ARFGEF1: variants seen among roughly 807,000 people sequenced by gnomAD.
ARFGEF1 encodes brefeldin A-inhibited guanine nucleotide-exchange protein 1.
ARFGEF1 carries 42 observed loss-of-function variants against 231.0 expected under a neutral mutation model. That is an observed-to-expected ratio of 0.18 (90% CI 0.14 to 0.24). The LOEUF (loss-of-function observed/expected upper bound fraction) is 0.24, where lower values mean the gene tolerates loss of function less well. Among genes scored for constraint, ARFGEF1 ranks in the 10% least tolerant of loss-of-function variants. ARFGEF1 has a pLI of 1.00. For synonymous variants in ARFGEF1, 710 were observed against 732.3 expected, an observed-to-expected ratio of 0.97 and a Z score of 0.49; for missense variants, 1,345 against 2,192.0, an observed-to-expected ratio of 0.61 and a Z score of 7.72.
chr8:67,184,138 C>G (rs1391878974), intron 5 of ARFGEF1, among the ~76,000 whole-genome samples: 2 of 152,120 alleles, frequency 1.3e-5, no homozygotes, highest in Admixed American at 6.5e-5. Flanking sequence ...TAGGCGTGAG[C>G]CACTGCGCCC....
downstream of ARFGEF1, chr8:67,193,337 T>A (rs931554437): frequency 1.5e-5 from 10 of 656,636 alleles, no homozygotes; most frequent in Admixed American, 2.5e-4. Context: ...CTTCAGGTGA[T>A]CTGCCCACCT....
intron 14 of ARFGEF1, 87 bp downstream of exon 14, chr8:67,265,919 T>C: frequency 8.4e-7 from 1 of 1,195,236 alleles, no homozygotes; most frequent in Non-Finnish European, 1.2e-6. Flanking sequence ...ATTTTACTCA[T>C]TATAAGGTGA....
intron 1 of ARFGEF1, among the ~76,000 whole-genome samples, chr8:67,316,539 C>A (rs1197935814): frequency 2.0e-5 from 3 of 151,986 alleles, no homozygotes; most frequent in Admixed American, 6.6e-5. Flanking sequence ...CAGCTCACTG[C>A]AGCCTAAACC....
chr8:67,289,549 CAAAA>C (rs552601455), intron 6 of ARFGEF1, among the ~76,000 whole-genome samples: 20 of 44,844 alleles, frequency 4.5e-4, no homozygotes, highest in Admixed American at 4.0e-3. Flanking sequence ...ACTCTGTATC[CAAAA>C]AAAAAAAAAA....
chr8:67,195,751 AAAT>A (rs1333450422), downstream of ARFGEF1: 1 of 610,726 alleles, frequency 1.6e-6, no homozygotes, highest in African/African-American at 1.9e-5. Context: ...TTATGTACAT[AAAT>A]AAAAGGCCAT....
intron 1 of ARFGEF1, among the ~76,000 whole-genome samples, chr8:67,323,115 G>A (rs1807670596): frequency 6.6e-6 from 1 of 152,076 alleles, no homozygotes; most frequent in African/African-American, 2.4e-5. Context: ...AGCCAGGCAT[G>A]GTGGCAGAAG....
chr8:67,275,836 G>A (rs1188903639), intron 9 of ARFGEF1, 140 bp downstream of exon 9: 6 of 966,004 alleles, frequency 6.2e-6, no homozygotes, highest in South Asian at 1.7e-5. Flanking sequence ...TTTCTTAAAC[G>A]TAAAATACCT....
At chr8:67,222,192 TATATATATATATACACACAC>T (rs1563846368) in intron 29 of ARFGEF1, among the ~76,000 whole-genome samples, 3 of 139,238 alleles carry the variant, frequency 2.2e-5, no homozygotes, top group East Asian at 2.0e-4. Context: ...CATATATATA[TATATATATATATACACACAC>T]ATATATATAT....
At chr8:67,209,714 C>T (rs1179801973) in intron 34 of ARFGEF1, among the ~76,000 whole-genome samples, 1 of 152,114 alleles carries the variant, frequency 6.6e-6, no homozygotes, top group Non-Finnish European at 1.5e-5. Flanking sequence ...AAGGGTTCCT[C>T]TTTTTTGTGA....
At chr8:67,186,045 G>A (rs1834495529) in intron 5 of ARFGEF1, among the ~76,000 whole-genome samples, 1 of 152,212 alleles carries the variant, frequency 6.6e-6, no homozygotes, top group South Asian at 2.1e-4. Context: ...GTGAAGAATT[G>A]CTTCTGGATG....
At chr8:67,200,198 C>G in intron 38 of ARFGEF1, 198 bp downstream of exon 38, 1 of 634,636 alleles carries the variant, frequency 1.6e-6, no homozygotes, top group East Asian at 3.2e-5. Flanking sequence ...AATTAGTGAA[C>G]AAAGCTGGGT....
At chr8:67,238,942 T>G in intron 20 of ARFGEF1, 49 bp from the exon 21 acceptor site, 2 of 1,417,764 alleles carry the variant, frequency 1.4e-6, no homozygotes, top group Non-Finnish European at 1.9e-6. Flanking sequence ...TAGAGCAGAC[T>G]GATTAATTCC....
downstream of ARFGEF1, chr8:67,195,425 C>T (rs767157409): frequency 1.9e-6 from 3 of 1,614,164 alleles, no homozygotes; most frequent in Non-Finnish European, 1.7e-6. Flanking sequence ...TCATGAAACA[C>T]ATAGGGGATG....
chr8:67,300,736 C>G (rs1587260626), intron 3 of ARFGEF1, among the ~76,000 whole-genome samples: 1 of 148,928 alleles, frequency 6.7e-6, no homozygotes, highest in Non-Finnish European at 1.5e-5. Context: ...CCCAACTACT[C>G]AGAAGTCTGG....
chr8:67,238,200 T>C (rs916273375), intron 22 of ARFGEF1, 143 bp downstream of exon 22: 1 of 812,894 alleles, frequency 1.2e-6, no homozygotes, highest in Non-Finnish European at 1.8e-6. Flanking sequence ...AAAGATTTAG[T>C]TCCTTAGTCA....
At chr8:67,239,695 T>C (rs1191537969) in intron 20 of ARFGEF1, among the ~76,000 whole-genome samples, 2 of 152,190 alleles carry the variant, frequency 1.3e-5, no homozygotes, top group African/African-American at 2.4e-5. Flanking sequence ...TTTTTAAAAG[T>C]TCCTCAAAGC....
downstream of ARFGEF1, among the ~76,000 whole-genome samples, chr8:67,194,428 C>CCAAA (rs1837303210): frequency 6.6e-6 from 1 of 151,944 alleles, no homozygotes; most frequent in Non-Finnish European, 1.5e-5. Flanking sequence ...TAATTCCACA[C>CCAAA]CAAACACAAA....
chr8:67,206,053 C>T (rs999868618), intron 34 of ARFGEF1, among the ~76,000 whole-genome samples: 3 of 151,994 alleles, frequency 2.0e-5, no homozygotes, highest in African/African-American at 7.2e-5. Context: ...GATCCAGATT[C>T]GTAGTTGTGA....
intron 29 of ARFGEF1, among the ~76,000 whole-genome samples, chr8:67,223,143 A>T (rs1190470650): frequency 6.6e-6 from 1 of 152,216 alleles, no homozygotes; most frequent in Admixed American, 6.5e-5. Flanking sequence ...AGAATTTTGG[A>T]AGAATTAAGT....
Sources: gnomAD v4.1 joint callset for allele counts (sites outside exome capture counted in the v4.1 genomes callset) on GRCh38, gnomAD v4.1.1 for gene constraint, MANE v1.5 for transcripts, NCBI Gene and HGNC (gene_info 2026-07-23, HGNC 2026-07-21) for gene names.